The following BTBD9 variants were observed in gnomAD, a reference collection of about 807,000 sequenced individuals.
BTBD9 encodes BTB domain containing 9, also known as BTB/POZ domain-containing protein 9.
BTBD9 carries 49 observed loss-of-function variants against 64.3 expected under a neutral mutation model. The observed-to-expected ratio is 0.76, with a 90% CI of 0.61 to 0.97. The LOEUF (loss-of-function observed/expected upper bound fraction) is 0.97, where lower values mean the gene tolerates loss of function less well. Ranked by LOEUF, BTBD9 falls within the 50% of genes least tolerant of loss-of-function variation. The pLI is 0.00. For missense variants in BTBD9, 598 were observed against 762.1 expected (o/e 0.78, Z 2.53); for synonymous variants, 260 against 274.7 (o/e 0.95, Z 0.53).
chr6:38,359,181 C>T lies in BTBD9; in HGVS notation c.1155-14088G>A, dbSNP rs375717393. On this transcript the variant is annotated intron_variant, in intron 6 of 10. Transcript: ENST00000481247. ...GGTTTTAGCACTAAACATCTCCTAT[C>T]CTAGGAAACCACTCAGTCTCAGGCA... Among the ~76,000 whole-genome samples the T allele has an allele frequency of 2.6e-5, 4 of 152,330 alleles. No individual in the cohort carries two copies. The East Asian group carries it at 7.7e-4, about 29-fold the overall frequency.
At chr6:38,455,991 T>G (rs1482045486) in intron 6 of BTBD9, among the ~76,000 whole-genome samples, 1 of 151,678 alleles carries the variant, frequency 6.6e-6, no homozygotes, top group Non-Finnish European at 1.5e-5. Flanking sequence ...TTTTTTTCTT[T>G]TTTTTCTTTT....
intron 9 of BTBD9, among the ~76,000 whole-genome samples, chr6:38,222,263 T>G (rs9470829): frequency 1.1e-4 from 12 of 108,910 alleles, no homozygotes; most frequent in African/African-American, 2.1e-4. Context: ...AGTTGTTTTT[T>G]TTTTTTTTTT....
intron 9 of BTBD9, among the ~76,000 whole-genome samples, chr6:38,214,486 T>C (rs1273339917): frequency 6.6e-6 from 1 of 152,166 alleles, no homozygotes; most frequent in African/African-American, 2.4e-5. Flanking sequence ...AAAAACCAGA[T>C]GCCAAGACAG....
rs375964491 is a variant in BTBD9, at chr6:38,192,476, A to G, written c.1641+43T>C. ...CTCAGGATGTAGCATTTACCTGTAC[A>G]TCATGAAATCTCATGGCACCTCTCA... is the stretch of plus-strand genomic sequence containing the variant. On this transcript the variant is annotated intron_variant, in intron 10 of 10. Transcript: ENST00000481247. 5.8e-4 allele frequency: 888 copies of G among 1,540,242 alleles called. 1 individual carries two copies. Among genetic ancestry groups the G allele is most frequent in the Admixed American group, 7.2e-4 (43 of 59,318 alleles).
Position 38,311,296 on chromosome 6 carries a change from C to A in BTBD9, c.1265-22835G>T, listed in dbSNP as rs530946500. 1.7e-4 allele frequency among the ~76,000 whole-genome samples: 26 copies of A among 152,102 alleles called. No individual in the cohort carries two copies. In the East Asian group the frequency reaches 4.6e-3, roughly 27 times the overall value. On this transcript the variant is annotated intron_variant, in intron 7 of 10. Transcript: ENST00000481247. Reference sequence around the variant, plus strand: ...GTAAGAATCATTCTACTCTCTATCTCCATGAGTTCAATTGTTTTCATTTTT... The same window carrying A: ...GTAAGAATCATTCTACTCTCTATCTACATGAGTTCAATTGTTTTCATTTTT...
At chr6:38,249,758 C>A (rs371119371) in intron 9 of BTBD9, among the ~76,000 whole-genome samples, 206 of 121,550 alleles carry the variant, frequency 1.7e-3, no homozygotes, top group Admixed American at 2.0e-3. Flanking sequence ...CATTAAGAAT[C>A]AAAAAAAAAA....
chr6:38,606,227 G>T (rs1777427448), intron 1 of BTBD9, among the ~76,000 whole-genome samples: 2 of 152,162 alleles, frequency 1.3e-5, no homozygotes, highest in Non-Finnish European at 2.9e-5. Context: ...TCAGCTTGCA[G>T]AGGGCCTATT....
At chr6:38,207,355 T>C in intron 9 of BTBD9, 1 of 207,142 alleles carries the variant, frequency 4.8e-6, no homozygotes, top group South Asian at 5.9e-5. Flanking sequence ...GGTGTGGCAG[T>C]TCATGCCTGT....
At chr6:38,501,126 C>G (rs984119305) in intron 6 of BTBD9, among the ~76,000 whole-genome samples, 4 of 152,042 alleles carry the variant, frequency 2.6e-5, no homozygotes, top group Non-Finnish European at 5.9e-5. Flanking sequence ...AGTTAACTTA[C>G]AGTTCTAAAA....
At chr6:38,459,659 A>T (rs1349322575) in intron 6 of BTBD9, among the ~76,000 whole-genome samples, 1 of 152,196 alleles carries the variant, frequency 6.6e-6, no homozygotes, top group Non-Finnish European at 1.5e-5. Flanking sequence ...GACTTTTGTT[A>T]TGCTAAGTTA....
intron 6 of BTBD9, among the ~76,000 whole-genome samples, chr6:38,417,793 AGAGAG>A (rs1374752750): frequency 2.9e-5 from 3 of 102,508 alleles, no homozygotes; most frequent in African/African-American, 1.4e-4. Flanking sequence ...AGAGAGAGAG[AGAGAG>A]AGAAAAAAAA....
chr6:38,199,365 G>T (rs1294377161), intron 9 of BTBD9, among the ~76,000 whole-genome samples: 1 of 152,138 alleles, frequency 6.6e-6, no homozygotes, highest in African/African-American at 2.4e-5. Context: ...AGAGGAAAGA[G>T]CTACAGATAC....
intron 4 of BTBD9, among the ~76,000 whole-genome samples, chr6:38,580,695 A>C (rs1391498620): frequency 1.3e-5 from 2 of 151,738 alleles, no homozygotes; most frequent in African/African-American, 4.8e-5. Flanking sequence ...CAGGAGTTTG[A>C]GACCAGCATG....
At chr6:38,563,619 G>A (rs962451984) in intron 6 of BTBD9, among the ~76,000 whole-genome samples, 2 of 151,894 alleles carry the variant, frequency 1.3e-5, no homozygotes, top group African/African-American at 2.4e-5. Context: ...AGACCTGTAC[G>A]ACCTGGTCAT....
intron 10 of BTBD9, among the ~76,000 whole-genome samples, chr6:38,180,662 T>A (rs775997675): frequency 6.6e-6 from 1 of 152,242 alleles, no homozygotes; most frequent in Admixed American, 6.5e-5. Context: ...TGAGACACAC[T>A]GGGCAGAGCC....
chr6:38,490,651 T>C (rs142662434), intron 6 of BTBD9, among the ~76,000 whole-genome samples: 3 of 152,278 alleles, frequency 2.0e-5, no homozygotes, highest in African/African-American at 7.2e-5. Context: ...CATTCTTATT[T>C]GACATGTGAA....
chr6:38,516,346 T>C (rs1773024112), intron 6 of BTBD9, among the ~76,000 whole-genome samples: 1 of 151,912 alleles, frequency 6.6e-6, no homozygotes, highest in Non-Finnish European at 1.5e-5. Flanking sequence ...TTTAAACACC[T>C]ATAGAGCTAC....
In BTBD9 at chr6:38,636,325, A is replaced by G. The variant is rs543273427; in HGVS notation, c.-28+3475T>C. Among the ~76,000 whole-genome samples, 17 of 152,308 alleles carry G rather than the reference A, an allele frequency of 1.1e-4. No homozygotes were observed. In the South Asian group the frequency reaches 3.3e-3, roughly 30 times the overall value. On this transcript the variant is annotated intron_variant, in intron 1 of 10. Transcript: ENST00000481247. ...ACTCCCACAGCCTCAGCGGACATCT[A>G]TATTACAATTGTCCCTAACCATCTC...
intron 9 of BTBD9, among the ~76,000 whole-genome samples, chr6:38,221,416 C>T (rs1435897475): frequency 6.6e-6 from 1 of 152,176 alleles, no homozygotes; most frequent in Non-Finnish European, 1.5e-5. Context: ...GGAGCCACCA[C>T]CACCATCTGC....
Sources: gnomAD v4.1 joint callset for allele counts (sites outside exome capture counted in the v4.1 genomes callset) on GRCh38, gnomAD v4.1.1 for gene constraint, MANE v1.5 for transcripts, NCBI Gene and HGNC (gene_info 2026-07-23, HGNC 2026-07-21) for gene names.